The following RERE variants were observed in gnomAD, a reference collection of about 807,000 sequenced individuals.
RERE encodes the protein arginine-glutamic acid dipeptide repeats protein.
RERE carries 40 observed loss-of-function variants against 146.1 expected under a neutral mutation model. The ratio of observed to expected loss-of-function variants is 0.27; its 90% CI spans 0.21 to 0.36. The LOEUF (loss-of-function observed/expected upper bound fraction) is 0.36, where lower values mean the gene tolerates loss of function less well. Among genes scored for constraint, RERE ranks in the 10% least tolerant of loss-of-function variants. RERE has a pLI of 1.00. For missense variants in RERE, 1,933 were observed against 2,138.7 expected (o/e 0.90, Z 1.90); for synonymous variants, 1,003 against 866.0 (o/e 1.16, Z -2.78).
chr1:8,625,380 A>T (rs1026083879), intron 2 of RERE, among the ~76,000 whole-genome samples: 1 of 152,220 alleles, frequency 6.6e-6, no homozygotes, highest in Non-Finnish European at 1.5e-5. Flanking sequence ...TAAGATCATC[A>T]TAAAGCTTAG....
chr1:8,789,282 C>CAAAAAAAAAAAAAAAAAAA, intron 1 of RERE, among the ~76,000 whole-genome samples: 1 of 38,496 alleles, frequency 2.6e-5, no homozygotes, highest in Non-Finnish European at 4.2e-5. Flanking sequence ...TCCTCTCTAC[C>CAAAAAAAAAAAAAAAAAAA]AAAAAAAAAA....
chr1:8,597,674 A>G (rs1327137982), intron 4 of RERE, among the ~76,000 whole-genome samples: 1 of 152,204 alleles, frequency 6.6e-6, no homozygotes, highest in East Asian at 1.9e-4. Flanking sequence ...TCTGATTCAC[A>G]GCCCTGTTAT....
chr1:8,434,400 T>C (rs1161808059), intron 11 of RERE, among the ~76,000 whole-genome samples: 1 of 152,236 alleles, frequency 6.6e-6, no homozygotes, highest in Admixed American at 6.5e-5. Context: ...CTCATATTAC[T>C]GATGAGGACC....
chr1:8,601,622 G>C, intron 4 of RERE, among the ~76,000 whole-genome samples: 2 of 81,818 alleles, frequency 2.4e-5, no homozygotes, highest in Admixed American at 2.7e-4. Context: ...CATGTCCAAG[G>C]TCACCACACA....
intron 1 of RERE, among the ~76,000 whole-genome samples, chr1:8,679,580 T>TAC (rs1638918886): frequency 6.6e-6 from 1 of 152,208 alleles, no homozygotes; most frequent in Non-Finnish European, 1.5e-5. Context: ...AGGCTATATG[T>TAC]AATGACAGCC....
intron 11 of RERE, among the ~76,000 whole-genome samples, chr1:8,428,035 A>G (rs1228078443): frequency 6.6e-6 from 1 of 152,198 alleles, no homozygotes; most frequent in East Asian, 1.9e-4. Flanking sequence ...CTAGTTGTTG[A>G]GCTGAAATTC....
chr1:8,426,581 A>G (rs1644016537), intron 11 of RERE, among the ~76,000 whole-genome samples: 1 of 152,154 alleles, frequency 6.6e-6, no homozygotes, highest in African/African-American at 2.4e-5. Flanking sequence ...CCAGCCATTT[A>G]AAAGCCTCTG....
intron 1 of RERE, chr1:8,703,145 G>A (rs1174096730): frequency 2.0e-5 from 3 of 152,146 alleles, no homozygotes; most frequent in Non-Finnish European, 4.4e-5. Context: ...CGCGGAAAGG[G>A]GCGGCGCAGG....
At chr1:8,448,467 G>A (rs1174489621) in intron 11 of RERE, among the ~76,000 whole-genome samples, 3 of 150,764 alleles carry the variant, frequency 2.0e-5, no homozygotes, top group African/African-American at 7.3e-5. Context: ...TAAAAAGGGG[G>A]AAAAAAAAAG....
chr1:8,360,507 C>A lies in RERE; in HGVS notation c.3000G>T (p.Ser1000=). 4.6e-6 allele frequency: 6 copies of A among 1,303,446 alleles called. No individual in the cohort carries two copies. In the South Asian group the frequency reaches 8.4e-5, roughly 18 times the overall value. The allele number at this position is 1,303,446 out of a possible 1,614,324, so 80.7% of individuals were successfully genotyped here. A position where few individuals can be genotyped will look rare whatever the true frequency, so the allele number is the denominator to read the frequency against. The change falls in exon 18 of 23, where the codon TCG becomes TCT. Residue 1000 remains serine (S), a synonymous_variant. Transcript: ENST00000400908. The part of the protein sequence containing the change: ...LMPQSQPLPS[S]PAQPPGLTQS... ...GGGTCAGCCCGGGGGGCTGGGCGGG[C>A]GAGGAGGGCAATGGCTGGCTCTGAG...
At position 8,623,800 on chromosome 1, in the gene RERE, T is replaced by G. The variant is rs184553286; in HGVS notation, c.396+510A>C. Among the ~76,000 whole-genome samples, 288 of 152,256 alleles carry G rather than the reference T, an allele frequency of 1.9e-3. 3 individuals are homozygous for G. The highest frequency in any genetic ancestry group is 3.7e-3 in the Non-Finnish European group (251 of 68,012). On this transcript the variant is annotated intron_variant, in intron 3 of 22. Transcript: ENST00000400908. ...ATGCACTAAAACTGGAAAGAAAGTATAACAACTTTACCACGCCCAAGCCAG... is the reference window on the plus strand; with the variant it reads ...ATGCACTAAAACTGGAAAGAAAGTAGAACAACTTTACCACGCCCAAGCCAG...
At chr1:8,380,782 G>GC (rs1463238833) in intron 12 of RERE, 1 of 455,904 alleles carries the variant, frequency 2.2e-6, no homozygotes, top group Non-Finnish European at 4.4e-6. Flanking sequence ...TCAGACTTGA[G>GC]CCCATAGCCC....
intron 1 of RERE, among the ~76,000 whole-genome samples, chr1:8,722,413 G>T (rs1639881098): frequency 6.6e-6 from 1 of 152,178 alleles, no homozygotes. Context: ...AGGTACTGCT[G>T]TAAGTATTAT....
chr1:8,508,018 C>CA (rs895135534), intron 8 of RERE, among the ~76,000 whole-genome samples: 1 of 152,270 alleles, frequency 6.6e-6, no homozygotes, highest in Admixed American at 6.5e-5. Context: ...GGATTACAGG[C>CA]ATGAGCCATT....
Position 8,554,696 on chromosome 1 carries a change from A to G in RERE, c.725+1779T>C, listed in dbSNP as rs574083440. On this transcript the variant is annotated intron_variant, in intron 6 of 22. Transcript: ENST00000400908. The stretch of plus-strand genomic sequence containing the variant: ...CCTGTCTCAAAAAAAAAAAAAAAAA[A>G]AAGACAAGAAATATTCCAGGATTAA... 1.4e-3 allele frequency among the ~76,000 whole-genome samples: 207 copies of G among 150,316 alleles called. 1 individual carries two copies. Among genetic ancestry groups the G allele is most frequent in the African/African-American group, 4.9e-3 (195 of 40,158 alleles).
intron 1 of RERE, among the ~76,000 whole-genome samples, chr1:8,733,214 G>GATCCTAAT (rs1416904157): frequency 6.6e-6 from 1 of 151,938 alleles, no homozygotes; most frequent in Non-Finnish European, 1.5e-5. Context: ...GTCACTCCTC[G>GATCCTAAT]ATCCTAATTC....
intron 8 of RERE, among the ~76,000 whole-genome samples, chr1:8,501,847 C>T (rs1188441810): frequency 8.2e-6 from 1 of 121,340 alleles, no homozygotes; most frequent in East Asian, 2.6e-4. Context: ...GAAGTGAGGA[C>T]CCCTCTGCCC....
At chr1:8,541,933 AAAT>A (rs1254746576) in intron 6 of RERE, among the ~76,000 whole-genome samples, 2 of 152,234 alleles carry the variant, frequency 1.3e-5, no homozygotes, top group African/African-American at 4.8e-5. Context: ...ATAAGGTTAG[AAAT>A]CACTTTCCCA....
At chr1:8,541,922 T>C (rs1030173008) in intron 6 of RERE, among the ~76,000 whole-genome samples, 5 of 152,188 alleles carry the variant, frequency 3.3e-5, no homozygotes, top group African/African-American at 1.2e-4. Flanking sequence ...TTTAAATGGC[T>C]ATAAGGTTAG....
Sources: allele counts gnomAD v4.1 joint callset (sites outside exome capture counted in the v4.1 genomes callset), GRCh38; gene constraint gnomAD v4.1.1; transcripts MANE v1.5; gene names NCBI Gene and HGNC (gene_info 2026-07-23, HGNC 2026-07-21).